The following SNTG1 variants were observed in gnomAD, a reference collection of about 807,000 sequenced individuals.
SNTG1 encodes the protein syntrophin gamma 1, also known as gamma-1-syntrophin.
Under a neutral mutation model 74.7 loss-of-function variants are expected in SNTG1, and 39 were observed. The ratio of observed to expected loss-of-function variants is 0.52; its 90% confidence interval spans 0.40 to 0.68. The LOEUF is 0.68. Among genes scored for constraint, SNTG1 ranks in the 30% least tolerant of loss-of-function variants. SNTG1 has a pLI of 0.00. For missense variants in SNTG1, 685 were observed against 609.5 expected (o/e 1.12, Z -1.30); for synonymous variants, 254 against 217.1 (o/e 1.17, Z -1.49).
intron 2 of SNTG1, among the ~76,000 whole-genome samples, chr8:50,284,385 A>T (rs1341998000): frequency 6.6e-6 from 1 of 152,198 alleles, no homozygotes; most frequent in Non-Finnish European, 1.5e-5. Context: ...TCAAGCAGAC[A>T]TACCCTGAAC....
At chr8:50,461,616 T>G (rs887327005) in intron 8 of SNTG1, among the ~76,000 whole-genome samples, 6 of 152,252 alleles carry the variant, frequency 3.9e-5, no homozygotes, top group African/African-American at 1.4e-4. Context: ...TTATATATTT[T>G]ACTGGTCAAC....
At chr8:50,129,183 G>A (rs897635966) in intron 1 of SNTG1, among the ~76,000 whole-genome samples, 1 of 152,046 alleles carries the variant, frequency 6.6e-6, no homozygotes, top group African/African-American at 2.4e-5. Flanking sequence ...ACATAAGAAT[G>A]AATAAATTAT....
rs558551828 is a variant in SNTG1, at chr8:50,174,353, A to G, written c.-28+1718A>G. 1.9e-3 allele frequency among the ~76,000 whole-genome samples: 285 copies of G among 152,346 alleles called. 3 individuals carry two copies. Among genetic ancestry groups the G allele is most frequent in the African/African-American group, 4.4e-3 (185 of 41,584 alleles). ...TTCCTAATCCTTTGGGTATATACCC[A>G]GTAATGGGATTGCTGGGTCAAATGG... On this transcript the variant is annotated intron_variant, in intron 2 of 18. Coordinates refer to ENST00000642720, the MANE Select transcript of SNTG1 (RefSeq NM_018967.5).
In SNTG1 at chr8:50,403,037, T is replaced by A. The variant is rs191057413; in HGVS notation, c.162+693T>A. Among the ~76,000 whole-genome samples the A allele has an allele frequency of 1.4e-3, 212 of 150,436 alleles. 1 individual carries two copies. The highest frequency in any genetic ancestry group is 5.0e-3 in the African/African-American group (199 of 39,760). On this transcript the variant is annotated intron_variant, in intron 4 of 18. Coordinates refer to ENST00000642720, the MANE Select transcript of SNTG1 (RefSeq NM_018967.5). ...GATTTTATTCTGCTAAAAGACATTA[T>A]CATAAGACGAGTTCTGGAGTTTATC...
chr8:50,485,437 C>T (rs575980891), intron 8 of SNTG1, among the ~76,000 whole-genome samples: 131 of 152,208 alleles, frequency 8.6e-4, no homozygotes, highest in African/African-American at 3.0e-3. Context: ...AAATATTTGT[C>T]TTCCCACCAG....
chr8:50,263,444 T>G (rs932672900), intron 2 of SNTG1, among the ~76,000 whole-genome samples: 2 of 151,860 alleles, frequency 1.3e-5, no homozygotes, highest in African/African-American at 4.8e-5. Context: ...ATTATGAAAA[T>G]TAATTGAAAT....
chr8:50,355,905 T>C (rs953562037), intron 2 of SNTG1, among the ~76,000 whole-genome samples: 4 of 152,206 alleles, frequency 2.6e-5, no homozygotes, highest in East Asian at 1.9e-4. Flanking sequence ...CCAGTCTCTG[T>C]GTGTGACTGA....
At chr8:49,935,278 ATCT>A (rs1239270378) in intron 1 of SNTG1, among the ~76,000 whole-genome samples, 1 of 150,146 alleles carries the variant, frequency 6.7e-6, no homozygotes, top group Non-Finnish European at 1.5e-5. Context: ...TTCCGATGAC[ATCT>A]TCTTAGAAGA....
At chr8:50,715,451 T>C (rs2095472771) in intron 17 of SNTG1, among the ~76,000 whole-genome samples, 1 of 152,192 alleles carries the variant, frequency 6.6e-6, no homozygotes, top group Non-Finnish European at 1.5e-5. Context: ...CTTCAATTTA[T>C]TTAAGAGCCA....
At chr8:50,034,983 C>T (rs1818029284) in intron 1 of SNTG1, among the ~76,000 whole-genome samples, 1 of 152,202 alleles carries the variant, frequency 6.6e-6, no homozygotes, top group Admixed American at 6.5e-5. Flanking sequence ...ACAGAGGTTC[C>T]TTGCACAGAA....
intron 2 of SNTG1, among the ~76,000 whole-genome samples, chr8:50,259,607 AC>A (rs2087080286): frequency 6.6e-6 from 1 of 151,968 alleles, no homozygotes; most frequent in Non-Finnish European, 1.5e-5. Flanking sequence ...TTCCAAATAA[AC>A]AAAAACTGAA....
chr8:50,786,153 A>G (rs1210504012), intron 18 of SNTG1, among the ~76,000 whole-genome samples: 1 of 151,972 alleles, frequency 6.6e-6, no homozygotes, highest in Non-Finnish European at 1.5e-5. Flanking sequence ...TATTGGTACT[A>G]ACTAGTAAAT....
At position 50,280,985 on chromosome 8, in the gene SNTG1, CAA is replaced by C. The variant is rs35973666; in HGVS notation, c.-28+108370_-28+108371del. 1.3e-3 allele frequency among the ~76,000 whole-genome samples: 100 copies of C among 75,446 alleles called. 1 individual carries two copies. Among genetic ancestry groups the C allele is most frequent in the African/African-American group, 3.2e-3 (64 of 19,956 alleles). The allele number at this position is 75,446 out of a possible 152,430, so 49.5% of individuals were successfully genotyped here. ...TGGCTAACATGGTGAAACCCAGTCT[CAA>C]AAAAAAAAAAAAAAAAAAAGAAAGA... On this transcript the variant is annotated intron_variant, in intron 2 of 18. Transcript: ENST00000642720.
chr8:50,564,432 A>C (rs1316026521), intron 12 of SNTG1, among the ~76,000 whole-genome samples: 1 of 152,106 alleles, frequency 6.6e-6, no homozygotes, highest in Non-Finnish European at 1.5e-5. Context: ...ATTGCACCTC[A>C]TGGTGGCAAT....
chr8:50,392,203 G>A (rs77436217), intron 2 of SNTG1, among the ~76,000 whole-genome samples: 6,787 of 152,224 alleles, frequency 0.045, 205 homozygotes, highest in Middle Eastern at 0.071. Context: ...AATGGAAGTG[G>A]AGAACTGTCA....
chr8:50,369,955 A>G (rs1416890205), intron 2 of SNTG1, among the ~76,000 whole-genome samples: 1 of 152,212 alleles, frequency 6.6e-6, no homozygotes, highest in Admixed American at 6.5e-5. Context: ...TATTTCTAAT[A>G]TTCCATGGTG....
chr8:50,640,911 A>G (rs2095068538), intron 13 of SNTG1, among the ~76,000 whole-genome samples: 1 of 152,036 alleles, frequency 6.6e-6, no homozygotes. Context: ...CCCAACTTCA[A>G]TTTCCTAATC....
intron 13 of SNTG1, among the ~76,000 whole-genome samples, chr8:50,628,769 GTTTAC>G (rs1445149122): frequency 6.0e-5 from 9 of 149,842 alleles, no homozygotes; most frequent in Admixed American, 2.6e-4. Flanking sequence ...ATTTTTGCTT[GTTTAC>G]TTTATTTTGA....
At position 50,293,576 on chromosome 8, in the gene SNTG1, A is replaced by AT. The variant is rs199559968; in HGVS notation, c.-27-100631dup. Among the ~76,000 whole-genome samples the AT allele has an allele frequency of 4.2e-3, 635 of 151,860 alleles. 12 individuals are homozygous for AT. Among genetic ancestry groups the AT allele is most frequent in the East Asian group, 0.016 (84 of 5,126 alleles). On this transcript the variant is annotated intron_variant, in intron 2 of 18. Transcript: ENST00000642720. ...AGGCATGCACCAAAACGCCCAGCTA[A>AT]TTTTTGTAATTTTAGTAGAGATGGG...
Sources: allele counts gnomAD v4.1 joint callset (sites outside exome capture counted in the v4.1 genomes callset), GRCh38; gene constraint gnomAD v4.1.1; transcripts MANE v1.5; gene names NCBI Gene and HGNC (gene_info 2026-07-23, HGNC 2026-07-21).